Variants in PPL observed in about 807,000 individuals in gnomAD.
PPL encodes 190 kDa paraneoplastic pemphigus antigen.
In PPL, 198 loss-of-function variants were observed where a neutral mutation model predicts 194.4. The ratio of observed to expected loss-of-function variants is 1.02; its 90% CI spans 0.91 to 1.15. The LOEUF is 1.15. Among genes scored for constraint, PPL ranks in the 50% most tolerant of loss-of-function variants. PPL has a pLI of 0.00. For synonymous variants in PPL, 1,220 were observed against 972.4 expected (o/e 1.25, Z -4.74); for missense variants, 2,885 against 2,294.8 (o/e 1.26, Z -5.25).
chr16:4,897,637 C>T (rs201173658), intron 9 of PPL, 38 bp downstream of exon 9: 2 of 1,539,248 alleles, frequency 1.3e-6, no homozygotes, highest in South Asian at 2.2e-5. Context: ...GAGAGTAGCA[C>T]CCCCGGTGCT....
Position 4,889,027 on chromosome 16 carries a change from TC to T in PPL, c.2347del (p.Glu783LysfsTer16), listed in dbSNP as rs2088265198. 1 of 1,613,780 alleles carries T rather than the reference TC, an allele frequency of 6.2e-7. No homozygotes were observed. The highest frequency in any genetic ancestry group is 8.5e-7 in the Non-Finnish European group (1 of 1,179,912). On this transcript the variant is annotated frameshift_variant, in exon 19 of 22. Coordinates refer to ENST00000345988, the MANE Select transcript of PPL (RefSeq NM_002705.5). LOFTEE classifies it high-confidence loss of function. The stretch of plus-strand genomic sequence containing the variant: ...GGAATTGGCACAGATCTTCTGTACT[TC>T]CTGCTCCCTACTTGCTATCTCATCT... ...LLDEIASREQ[E>X]VQKICANSQQ...
chr16:4,893,454 C>G, intron 13 of PPL, 84 bp from the exon 14 acceptor site: 2 of 1,588,186 alleles, frequency 1.3e-6, no homozygotes, highest in Non-Finnish European at 1.7e-6. Context: ...AGCCAGCCCC[C>G]CGCCGTCTCA....
chr16:4,900,734 A>AT lies in PPL; in HGVS notation c.606+95dup, dbSNP rs539973362. 2,077 of 1,534,782 alleles carry AT rather than the reference A, an allele frequency of 1.4e-3. 50 individuals are homozygous for AT. In the Admixed American group the frequency reaches 0.031, roughly 23 times the overall value. ...CGTGAGCCACCATGCCCAGCTGCCT[A>AT]TGTCATTTTTAAAACAATACATCCT... On this transcript the variant is annotated intron_variant, in intron 6 of 21. Coordinates refer to ENST00000345988, the MANE Select transcript of PPL (RefSeq NM_002705.5).
In PPL at chr16:4,897,701, G is replaced by C; in HGVS notation, c.946C>G (p.Leu316Val). 1 of 1,613,926 alleles carries C rather than the reference G, an allele frequency of 6.2e-7. No individual in the cohort carries two copies. The highest frequency in any genetic ancestry group is 8.5e-7 in the Non-Finnish European group (1 of 1,179,994). Residue 316 changes from leucine (L) to valine (V), a missense_variant, in exon 9 of 22, where the codon CTC becomes GTC. Coordinates refer to ENST00000345988, the MANE Select transcript of PPL (RefSeq NM_002705.5). ...TGGTGGTAGTCCTCCATGTACTTGAGGTGGCTCTCCTCGCAGATGAGCAGG... is the reference window on the plus strand; with the variant it reads ...TGGTGGTAGTCCTCCATGTACTTGACGTGGCTCTCCTCGCAGATGAGCAGG... ...LNLLICEESH[L>V]KYMEDYHQFH...
intron 17 of PPL, among the ~76,000 whole-genome samples, 165 bp from the exon 18 acceptor site, chr16:4,890,499 G>A (rs1156741518): frequency 6.6e-6 from 1 of 152,122 alleles, no homozygotes; most frequent in African/African-American, 2.4e-5. Flanking sequence ...GTTGGACTGT[G>A]GAGAACCAGG....
Position 4,902,528 on chromosome 16 carries a change from T to A in PPL, c.318-2A>T. ...ACACGCTCCTTCAGCTGGCGGATACTGATGGGAGAGAGGCTCCCACTTAGT... is the reference window on the plus strand; with the variant it reads ...ACACGCTCCTTCAGCTGGCGGATACAGATGGGAGAGAGGCTCCCACTTAGT... On this transcript the variant is annotated splice_acceptor_variant, in intron 3 of 21. Coordinates refer to ENST00000345988, the MANE Select transcript of PPL (RefSeq NM_002705.5). LOFTEE classifies it high-confidence loss of function. The surrounding 1 kb of genome is among the most constrained non-coding windows in gnomAD (Gnocchi z 4.0). 6.2e-7 allele frequency: 1 copy of A among 1,613,090 alleles called. No homozygotes were observed. The highest frequency in any genetic ancestry group is 8.5e-7 in the Non-Finnish European group (1 of 1,179,484).
At position 4,891,828 on chromosome 16, in the gene PPL, T is replaced by C. The variant is rs150804407; in HGVS notation, c.1951A>G (p.Lys651Glu). ...AGACTCACCGCCAGCTCCTGCCCCT[T>C]GCTGTCCAGGACACGGCTGCTCTCA... ...VPESSRVLDSKGQELAAMACE... is the reference protein window; with the variant it reads ...VPESSRVLDSEGQELAAMACE... Residue 651 changes from lysine to glutamate, a missense_variant, in exon 16 of 22, where the codon AAG becomes GAG. Physicochemically the swap from Lys to Glu is moderately conservative, Grantham distance 56 (BLOSUM62 1). Coordinates refer to ENST00000345988, the MANE Select transcript of PPL (RefSeq NM_002705.5). 6.2e-7 allele frequency: 1 copy of C among 1,612,198 alleles called. No individual in the cohort carries two copies. Among genetic ancestry groups the C allele is most frequent in the Non-Finnish European group, 8.5e-7 (1 of 1,179,496 alleles).
intron 18 of PPL, 126 bp from the exon 19 acceptor site, chr16:4,889,187 G>T: frequency 1.5e-6 from 1 of 688,320 alleles, no homozygotes; most frequent in Non-Finnish European, 2.5e-6. Flanking sequence ...ATGATGAATG[G>T]CTCCCTTGTA....
At chr16:4,934,133 G>C (rs144883768) in intron 1 of PPL, among the ~76,000 whole-genome samples, 4 of 152,248 alleles carry the variant, frequency 2.6e-5, no homozygotes, top group South Asian at 4.2e-4. Context: ...GGCTGTCCTC[G>C]GTCACCTGCA....
At position 4,893,455 on chromosome 16, in the gene PPL, C is replaced by T. The variant is rs144341521; in HGVS notation, c.1493-85G>A. 894 of 1,588,012 alleles carry T rather than the reference C, an allele frequency of 5.6e-4. 5 individuals are homozygous for T. The African/African-American group carries it at 9.0e-3, about 16-fold the overall frequency. On this transcript the variant is annotated intron_variant, in intron 13 of 21. Transcript: ENST00000345988. ...GGATGGACCTAGGCAGCCAGCCCCC[C>T]GCCGTCTCATCCACAGCACAGACCC...
At chr16:4,892,929 A>G (rs915056223) in intron 14 of PPL, 3 of 381,892 alleles carry the variant, frequency 7.9e-6, no homozygotes, top group Non-Finnish European at 1.4e-5. Context: ...CCAGCCGGTG[A>G]CCCAGTCCTG....
chr16:4,896,666 GACTC>G (rs1022350821), intron 9 of PPL, among the ~76,000 whole-genome samples: 1 of 147,520 alleles, frequency 6.8e-6, no homozygotes, highest in African/African-American at 2.5e-5. Flanking sequence ...TTGAGGCGGA[GACTC>G]ACTCTGTCGC....
Position 4,883,228 on chromosome 16 carries a change from C to T in PPL, c.*156G>A. On this transcript the variant is annotated 3_prime_UTR_variant, in exon 22 of 22. Transcript: ENST00000345988. The surrounding 1 kb of genome is among the most constrained non-coding windows in gnomAD (Gnocchi z 4.8). Reference sequence around the variant, plus strand: ...TTGCCTGTCTTCAGCCAGTGCCTGTCTCATATGTGGGCGGGACTCTGAGCA... The same window carrying T: ...TTGCCTGTCTTCAGCCAGTGCCTGTTTCATATGTGGGCGGGACTCTGAGCA... 1.0e-6 allele frequency: 1 copy of T among 965,298 alleles called. No individual in the cohort carries two copies. Among genetic ancestry groups the T allele is most frequent in the South Asian group, 1.6e-5 (1 of 62,962 alleles). 59.8% of individuals were successfully genotyped at this position (965,298 alleles called of 1,614,324 possible).
chr16:4,884,993 C>T lies in PPL; in HGVS notation c.3662G>A (p.Arg1221Lys), dbSNP rs1159688580. 2 of 1,613,934 alleles carry T rather than the reference C, an allele frequency of 1.2e-6. No homozygotes were observed. The highest frequency in any genetic ancestry group is 2.7e-5 in the African/African-American group (2 of 74,920). Residue 1221 changes from arginine (R) to lysine (K), a missense_variant, in exon 22 of 22, where the codon AGG becomes AAG. Arg to Lys is a conservative substitution (Grantham distance 26, BLOSUM62 2). Transcript: ENST00000345988. This position sits in a 1 kb window ranked among gnomAD's most constrained non-coding sequence, Gnocchi z 5.7. ...SYQSELEALR[R>K]RGPQVEVKEV... ...TTTGACTTCCACCTGGGGGCCTCGC[C>T]TCCTGAGGGCCTCCAGCTCACTCTG...
rs1418857135 is a variant in PPL, at chr16:4,886,016, A to G, written c.2639T>C (p.Leu880Pro). ...QPEVEVTHET[L>P]QRNRPDSGVE... ...TCCAGAGTCCGGCCTATTCCTTTGC[A>G]GGGTCTCATGGGTCACTTCTACTTC... Residue 880 changes from leucine (L) to proline (P), a missense_variant, in exon 22 of 22, where the codon CTG (leucine) becomes CCG (proline). Coordinates refer to ENST00000345988, the MANE Select transcript of PPL (RefSeq NM_002705.5). The G allele has an allele frequency of 6.2e-6, 10 of 1,613,758 alleles. No individual in the cohort carries two copies. Among genetic ancestry groups the G allele is most frequent in the Non-Finnish European group, 8.5e-6 (10 of 1,180,022 alleles).
intron 1 of PPL, among the ~76,000 whole-genome samples, chr16:4,922,676 C>G (rs1282757971): frequency 6.6e-6 from 1 of 151,776 alleles, no homozygotes. Context: ...CAAAACAAAA[C>G]AAAAAAACCC....
chr16:4,912,923 G>T (rs2088847758), intron 1 of PPL, among the ~76,000 whole-genome samples: 1 of 152,116 alleles, frequency 6.6e-6, no homozygotes, highest in Admixed American at 6.6e-5. Flanking sequence ...GGCCAACATG[G>T]TGAAACCCCA....
chr16:4,892,214 C>G lies in PPL; in HGVS notation c.1651-1G>C. The G allele has an allele frequency of 1.2e-6, 2 of 1,607,748 alleles. No homozygotes were observed. Among genetic ancestry groups the G allele is most frequent in the Non-Finnish European group, 1.7e-6 (2 of 1,175,188 alleles). ...TCCGCAGTAGCTCGTTGGTGATGTT[C>G]TGTGGGAACCAGGGCCCCTCAGTTT... On this transcript the variant is annotated splice_acceptor_variant, in intron 14 of 21. Coordinates refer to ENST00000345988, the MANE Select transcript of PPL (RefSeq NM_002705.5). LOFTEE classifies it high-confidence loss of function.
chr16:4,919,474 G>C (rs996272989), intron 1 of PPL, among the ~76,000 whole-genome samples: 3 of 152,098 alleles, frequency 2.0e-5, no homozygotes, highest in African/African-American at 4.8e-5. Context: ...ATGTTGACCA[G>C]GCTAGTCCCG....
Sources: allele counts gnomAD v4.1 joint callset (sites outside exome capture counted in the v4.1 genomes callset), GRCh38; gene constraint gnomAD v4.1.1; non-coding constraint Gnocchi (gnomAD v3.1); transcripts MANE v1.5; gene names NCBI Gene and HGNC (gene_info 2026-07-23, HGNC 2026-07-21).